MUC5B: variants seen among roughly 807,000 people sequenced by gnomAD.
MUC5B encodes the protein mucin 5B, oligomeric mucus/gel-forming.
MUC5B carries 116 observed loss-of-function variants against 376.9 expected under a neutral mutation model. The ratio of observed to expected loss-of-function variants is 0.31; its 90% CI spans 0.26 to 0.36. MUC5B has a LOEUF of 0.36. Ranked by LOEUF, MUC5B falls within the 10% of genes least tolerant of loss-of-function variation. The probability of loss-of-function intolerance (pLI) is 1.00; values close to 1 mark genes in which losing one functional copy is unlikely to be tolerated. For missense variants in MUC5B, 7,165 were observed against 7,769.9 expected (o/e 0.92, Z 2.93); for synonymous variants, 3,517 against 3,390.9 (o/e 1.04, Z -1.29).
At position 1,246,622 on chromosome 11, in the gene MUC5B, G is replaced by C. The variant is rs201342042; in HGVS notation, c.9742G>C (p.Ala3248Pro). Residue 3248 changes from alanine (A) to proline (P), a missense_variant, in exon 31 of 49, where the codon GCC (alanine) becomes CCC (proline). Ala to Pro is a conservative substitution (Grantham distance 27). Coordinates refer to ENST00000529681, the MANE Select transcript of MUC5B (RefSeq NM_002458.3). ...CATCCCCTCTTCCTCCCTGGGCACC[G>C]CCTGGACCCGCCTATCACAGACCAC... ...TAIPSSSLGT[A>P]WTRLSQTTTP... The C allele has an allele frequency of 2.7e-5, 44 of 1,607,628 alleles. No individual in the cohort carries two copies. The highest frequency in any genetic ancestry group is 3.7e-5 in the Non-Finnish European group (43 of 1,176,560).
At chr11:1,259,098 G>T in intron 44 of MUC5B, 37 bp downstream of exon 44, 1 of 1,436,052 alleles carries the variant, frequency 7.0e-7, no homozygotes. Flanking sequence ...GTGAGCCCCC[G>T]AGGCACCTGC....
chr11:1,238,499 G>C (rs1862202864), intron 25 of MUC5B, among the ~76,000 whole-genome samples: 1 of 152,198 alleles, frequency 6.6e-6, no homozygotes, highest in South Asian at 2.1e-4. Context: ...GGGGTGCTAT[G>C]CTCCACATGG....
chr11:1,254,577 G>A lies in MUC5B; in HGVS notation c.15478-117G>A. On this transcript the variant is annotated intron_variant, in intron 34 of 48. Transcript: ENST00000529681. ...CCCCCAGGGAAGATCTGGGCTTTGGGGTGGGGGATACACAGGGGGGTCTCT... is the reference window on the plus strand; with the variant it reads ...CCCCCAGGGAAGATCTGGGCTTTGGAGTGGGGGATACACAGGGGGGTCTCT... 6 of 1,256,446 alleles carry A rather than the reference G, an allele frequency of 4.8e-6. No individual in the cohort carries two copies. In the South Asian group the frequency reaches 7.7e-5, roughly 16 times the overall value. The allele number at this position is 1,256,446 out of a possible 1,614,324, so 77.8% of individuals were successfully genotyped here. A position where few individuals can be genotyped will look rare whatever the true frequency, so the allele number is the denominator to read the frequency against.
chr11:1,252,350 C>A lies in MUC5B; in HGVS notation c.14871C>A (p.Val4957=), dbSNP rs1215143667. 1 of 1,552,404 alleles carries A rather than the reference C, an allele frequency of 6.4e-7. No individual in the cohort carries two copies. The highest frequency in any genetic ancestry group is 8.7e-7 in the Non-Finnish European group (1 of 1,147,900). ...AFGQFFSPGE[V]IYNKTDRAGC... is the part of the protein sequence containing the mutation. ...TGGTGTTGTTCTTCACAGGGGAAGT[C>A]ATCTACAATAAGACCGACCGAGCCG... Residue 4957 remains valine, a synonymous_variant, in exon 32 of 49, where the codon GTC becomes GTA. Transcript: ENST00000529681.
In MUC5B at chr11:1,258,992, C is replaced by A; in HGVS notation, c.16644C>A (p.Leu5548=). ...TTCCCTGCCACATGTGTACCTGCCTCTCTGGGGACACCCAGGACCCAACGG... is the reference window on the plus strand; with the variant it reads ...TTCCCTGCCACATGTGTACCTGCCTATCTGGGGACACCCAGGACCCAACGG... ...GALPCHMCTC[L]SGDTQDPTVQ... The change falls in exon 44 of 49, where the codon CTC becomes CTA. Residue 5548 remains leucine, a synonymous_variant. Coordinates refer to ENST00000529681, the MANE Select transcript of MUC5B (RefSeq NM_002458.3). This position sits in a 1 kb window ranked among gnomAD's most constrained non-coding sequence, Gnocchi z 5.5. 1 of 1,560,260 alleles carries A rather than the reference C, an allele frequency of 6.4e-7. No individual in the cohort carries two copies. The highest frequency in any genetic ancestry group is 8.7e-7 in the Non-Finnish European group (1 of 1,153,112).
At chr11:1,240,416 G>A in intron 30 of MUC5B, 41 bp downstream of exon 30, 1 of 1,527,734 alleles carries the variant, frequency 6.5e-7, no homozygotes. Context: ...GTACCGTCTG[G>A]GTGACAAGGA....
chr11:1,234,815 G>T lies in MUC5B; in HGVS notation c.2630+135G>T, dbSNP rs1034605071. 3 of 1,147,596 alleles carry T rather than the reference G, an allele frequency of 2.6e-6. No individual in the cohort carries two copies. The highest frequency in any genetic ancestry group is 2.4e-6 in the Non-Finnish European group (2 of 834,402). 71.1% of individuals were successfully genotyped at this position (1,147,596 alleles called of 1,614,324 possible). On this transcript the variant is annotated intron_variant, in intron 21 of 48. Transcript: ENST00000529681. This position sits in a 1 kb window ranked among gnomAD's most constrained non-coding sequence, Gnocchi z 6.3. ...CAGCTGGCCAGGGTGAGGTGGGGCC[G>T]TGGCAGGAGAGAGAGTTGCTAGGAA...
rs1862749013 is a variant in MUC5B, at chr11:1,253,098, G to A, written c.15217+118G>A. ...CAGTGGGGTGCAGTGGGGAATGGTGGGGCATGGTGGGGCATGGTGGGGTGC... is the reference window on the plus strand; with the variant it reads ...CAGTGGGGTGCAGTGGGGAATGGTGAGGCATGGTGGGGCATGGTGGGGTGC... On this transcript the variant is annotated intron_variant, in intron 33 of 48. Coordinates refer to ENST00000529681, the MANE Select transcript of MUC5B (RefSeq NM_002458.3). This position sits in a 1 kb window ranked among gnomAD's most constrained non-coding sequence, Gnocchi z 4.3. 13 of 995,946 alleles carry A rather than the reference G, an allele frequency of 1.3e-5. No individual in the cohort carries two copies. The South Asian group carries it at 1.7e-4, about 13-fold the overall frequency. The allele number at this position is 995,946 out of a possible 1,614,324, so 61.7% of individuals were successfully genotyped here.
intron 12 of MUC5B, 144 bp downstream of exon 12, chr11:1,230,744 G>T: frequency 2.2e-6 from 2 of 898,002 alleles, no homozygotes; most frequent in East Asian, 2.7e-5. Context: ...CAGCCCCCAG[G>T]TCAGGTCCCC....
rs1325224621 is a variant in MUC5B, at chr11:1,229,778, C to A, written c.1191C>A (p.Gly397=). 2.5e-6 allele frequency: 4 copies of A among 1,601,424 alleles called. No individual in the cohort carries two copies. Among genetic ancestry groups the A allele is most frequent in the Non-Finnish European group, 3.4e-6 (4 of 1,175,380 alleles). The change falls in exon 10 of 49, where the codon GGC becomes GGA. Residue 397 remains glycine (G), a synonymous_variant. Coordinates refer to ENST00000529681, the MANE Select transcript of MUC5B (RefSeq NM_002458.3). ...ACGGCGGCCGCACCTACAGCCCGGG[C>A]ACCTCCTTCAACACCACCTGCAGCT... ...CTHGGRTYSP[G]TSFNTTCSSC...
chr11:1,227,499 C>A, intron 6 of MUC5B, 101 bp downstream of exon 6: 1 of 939,216 alleles, frequency 1.1e-6, no homozygotes. Flanking sequence ...GGACCGGGCA[C>A]CAGGCAGGGA....
Position 1,242,940 on chromosome 11 carries a change from C to G in MUC5B, c.6060C>G (p.Ser2020=). The G allele has an allele frequency of 6.2e-7, 1 of 1,613,156 alleles. No homozygotes were observed. Among genetic ancestry groups the G allele is most frequent in the Non-Finnish European group, 8.5e-7 (1 of 1,179,330 alleles). Residue 2020 remains serine, a synonymous_variant, in exon 31 of 49, where the codon TCC becomes TCG. Coordinates refer to ENST00000529681, the MANE Select transcript of MUC5B (RefSeq NM_002458.3). The part of the protein sequence containing the change: ...PSSTPETAHT[S]TVLTATATTT... The stretch of plus-strand genomic sequence containing the variant: ...CCACTCCAGAGACTGCCCACACCTC[C>G]ACAGTGCTTACCGCCACGGCCACCA...
Position 1,247,457 on chromosome 11 carries a change from G to A in MUC5B, c.10577G>A (p.Gly3526Glu). The A allele has an allele frequency of 4.4e-6, 7 of 1,608,732 alleles. No homozygotes were observed. Among genetic ancestry groups the A allele is most frequent in the Non-Finnish European group, 5.9e-6 (7 of 1,178,588 alleles). ...SRTTESPPSP[G>E]TTTPGHTRGT... Reference sequence around the variant, plus strand: ...ACCACCGAGTCACCCCCTTCTCCAGGGACGACCACCCCGGGCCACACCAGG... The same window carrying A: ...ACCACCGAGTCACCCCCTTCTCCAGAGACGACCACCCCGGGCCACACCAGG... Residue 3526 changes from glycine (G) to glutamate (E), a missense_variant, in exon 31 of 49, where the codon GGG becomes GAG. Transcript: ENST00000529681.
At position 1,259,973 on chromosome 11, in the gene MUC5B, C is replaced by T. The variant is rs761796055; in HGVS notation, c.16811C>T (p.Thr5604Ile). 2.5e-6 allele frequency: 4 copies of T among 1,612,992 alleles called. No individual in the cohort carries two copies. The highest frequency in any genetic ancestry group is 3.4e-6 in the Non-Finnish European group (4 of 1,179,746). The change falls in exon 46 of 49, where the codon ACC becomes ATC. Residue 5604 changes from threonine (T) to isoleucine (I), a missense_variant. Coordinates refer to ENST00000529681, the MANE Select transcript of MUC5B (RefSeq NM_002458.3). ...PDGQPVQLNE[T>I]WVNSHVDNCT... ...ACCCTTGCATTTCAGCTGAATGAAA[C>T]CTGGGTCAACAGCCATGTGGACAAC...
intron 18 of MUC5B, 129 bp downstream of exon 18, chr11:1,233,397 A>C: frequency 9.2e-7 from 1 of 1,086,136 alleles, no homozygotes. Context: ...AGAGTGGGGC[A>C]GGGTGGACCC....
In MUC5B at chr11:1,236,962, A is replaced by G; in HGVS notation, c.3095A>G (p.Asn1032Ser). The change falls in exon 25 of 49, where the codon AAT (asparagine) becomes AGT (serine). Residue 1032 changes from asparagine to serine, a missense_variant. Around this residue, in one of 31 missense-constraint regions of MUC5B, gnomAD observed 143 missense variants for 193.2 expected, o/e 0.74. Transcript: ENST00000529681. ...VCGLCGNFDD[N>S]AINDFATRSR... ...GGCCTGTGCGGGAACTTCGACGACA[A>G]TGCCATCAATGACTTTGCCACGCGT... 6.6e-7 allele frequency: 1 copy of G among 1,524,788 alleles called. No individual in the cohort carries two copies. The highest frequency in any genetic ancestry group is 8.8e-7 in the Non-Finnish European group (1 of 1,132,090). 94.5% of individuals were successfully genotyped at this position (1,524,788 alleles called of 1,614,324 possible).
In MUC5B at chr11:1,251,288, C is replaced by G; in HGVS notation, c.14408C>G (p.Thr4803Ser). 6.2e-7 allele frequency: 1 copy of G among 1,611,722 alleles called. No homozygotes were observed. Among genetic ancestry groups the G allele is most frequent in the Non-Finnish European group, 8.5e-7 (1 of 1,178,464 alleles). Residue 4803 changes from threonine to serine, a missense_variant, in exon 31 of 49, where the codon ACC becomes AGC. Physicochemically the swap from Thr to Ser is moderately conservative, Grantham distance 58 (BLOSUM62 1). Around this residue, in one of 31 missense-constraint regions of MUC5B, gnomAD observed 730 missense variants for 592.7 expected, o/e 1.23. Transcript: ENST00000529681. ...ACCACAGCCACCATGACAAGGGCCA[C>G]CAATTCCACGGCCACACCCTCCTCC... is the stretch of plus-strand genomic sequence containing the variant. Reference protein sequence around the residue: ...LTTTATMTRATNSTATPSSTL... With the variant: ...LTTTATMTRASNSTATPSSTL...
chr11:1,227,273 G>C, intron 5 of MUC5B, 35 bp from the exon 6 acceptor site: 1 of 1,587,976 alleles, frequency 6.3e-7, no homozygotes, highest in Non-Finnish European at 8.6e-7. Flanking sequence ...GGGATCAGAG[G>C]TCCTGAGGCT....
chr11:1,233,287 A>G lies in MUC5B; in HGVS notation c.2321+19A>G. On this transcript the variant is annotated intron_variant, in intron 18 of 48. Coordinates refer to ENST00000529681, the MANE Select transcript of MUC5B (RefSeq NM_002458.3). The stretch of plus-strand genomic sequence containing the variant: ...CCGTGTGGTAAGGGTCTGGGGGGAA[A>G]GCAGGCCCCCCAGGTGCTCCTCAGA... The G allele has an allele frequency of 6.6e-7, 1 of 1,519,648 alleles. No homozygotes were observed. The highest frequency in any genetic ancestry group is 8.8e-7 in the Non-Finnish European group (1 of 1,133,620). The allele number at this position is 1,519,648 out of a possible 1,614,324, so 94.1% of individuals were successfully genotyped here.
Sources: allele counts gnomAD v4.1 joint callset (sites outside exome capture counted in the v4.1 genomes callset), GRCh38; gene constraint gnomAD v4.1.1; regional missense constraint gnomAD v4.1.1; non-coding constraint Gnocchi (gnomAD v3.1); transcripts MANE v1.5; gene names NCBI Gene and HGNC (gene_info 2026-07-23, HGNC 2026-07-21).